Variants in HMGCLL1 observed in about 807,000 individuals in gnomAD.
HMGCLL1 encodes the protein 3-hydroxy-3-methylglutaryl-CoA lyase like 1.
HMGCLL1 carries 36 observed loss-of-function variants against 39.1 expected under a neutral mutation model. The observed-to-expected ratio is 0.92, with a 90% CI of 0.71 to 1.22. The LOEUF (loss-of-function observed/expected upper bound fraction) is 1.22. Ranked by LOEUF, HMGCLL1 falls within the 50% of genes most tolerant of loss-of-function variation. The probability of loss-of-function intolerance (pLI) is 0.00; values close to 1 mark genes in which losing one functional copy is unlikely to be tolerated. For synonymous variants in HMGCLL1, 149 were observed against 144.0 expected, an observed-to-expected ratio of 1.03 and a Z score of -0.25; for missense variants, 451 against 416.5, an observed-to-expected ratio of 1.08 and a Z score of -0.72.
chr6:55,662,162 C>A, the HMGCLL1 span, among the ~76,000 whole-genome samples: 2 of 151,482 alleles, frequency 1.3e-5, no homozygotes, highest in African/African-American at 4.8e-5. Flanking sequence ...CTTCCTTCCC[C>A]TTTGGATGCC....
At chr6:55,610,548 C>G in the HMGCLL1 span, among the ~76,000 whole-genome samples, 147 of 152,012 alleles carry the variant, frequency 9.7e-4, 1 homozygote, top group African/African-American at 2.8e-3. Flanking sequence ...AAAGACTGAA[C>G]CTATGACTGA....
At chr6:55,627,430 A>T in the HMGCLL1 span, among the ~76,000 whole-genome samples, 1 of 151,912 alleles carries the variant, frequency 6.6e-6, no homozygotes, top group South Asian at 2.1e-4. Context: ...TAACCTCATT[A>T]TTGTCTTCAT....
chr6:55,560,591 T>G (rs1770898525), intron 1 of HMGCLL1, among the ~76,000 whole-genome samples: 1 of 152,098 alleles, frequency 6.6e-6, no homozygotes, highest in Non-Finnish European at 1.5e-5. Flanking sequence ...CCTAACACCT[T>G]CATTTAATCG....
At chr6:55,676,375 C>T in the HMGCLL1 span, among the ~76,000 whole-genome samples, 7 of 152,250 alleles carry the variant, frequency 4.6e-5, no homozygotes, top group African/African-American at 1.4e-4. Flanking sequence ...AAATGGCATA[C>T]CAAAACAGGT....
At chr6:55,582,990 C>T (rs1409839833), upstream of HMGCLL1, among the ~76,000 whole-genome samples, 5 of 151,824 alleles carry the variant, frequency 3.3e-5, no homozygotes, top group African/African-American at 9.7e-5. Flanking sequence ...AATGATCATA[C>T]GAATCTTTGT....
chr6:55,624,827 A>G, the HMGCLL1 span, among the ~76,000 whole-genome samples: 1 of 152,130 alleles, frequency 6.6e-6, no homozygotes, highest in Non-Finnish European at 1.5e-5. Flanking sequence ...AAGAGACACA[A>G]TGCCTAGTGG....
Position 55,495,452 on chromosome 6 carries a change from T to A in HMGCLL1, c.762A>T (p.Gly254=), listed in dbSNP as rs772836157. 10 of 1,613,886 alleles carry A rather than the reference T, an allele frequency of 6.2e-6. No homozygotes were observed. The East Asian group carries it at 2.0e-4, about 32-fold the overall frequency. Residue 254 remains glycine (G), a synonymous_variant, in exon 7 of 9, where the codon GGA becomes GGT. Transcript: ENST00000274901. ...CCGTAAGGATATTTGCTAAGGCTTG[T>A]CCGTATGTGTCATGACAGTGAACAG... ...ALAVHCHDTY[G]QALANILTAL... is the part of the protein sequence containing the mutation.
intron 8 of HMGCLL1, among the ~76,000 whole-genome samples, chr6:55,437,477 C>A (rs78500955): frequency 3.9e-4 from 59 of 151,836 alleles, no homozygotes; most frequent in Non-Finnish European, 7.4e-4. Context: ...TAAAGCCTGA[C>A]CTGAGGTTTA....
the HMGCLL1 span, among the ~76,000 whole-genome samples, chr6:55,590,299 GA>G: frequency 6.6e-6 from 1 of 152,044 alleles, no homozygotes; most frequent in Non-Finnish European, 1.5e-5. Context: ...AAAAAATGGG[GA>G]AAGGATTCCC....
chr6:55,650,056 G>GTT, the HMGCLL1 span, among the ~76,000 whole-genome samples: 7 of 48,232 alleles, frequency 1.5e-4, 1 homozygote, highest in Admixed American at 2.9e-4. Context: ...TGTCTGAAAG[G>GTT]TTATATATAT....
At chr6:55,587,881 C>A in the HMGCLL1 span, among the ~76,000 whole-genome samples, 1 of 152,090 alleles carries the variant, frequency 6.6e-6, no homozygotes, top group South Asian at 2.1e-4. Context: ...GCACCCAATA[C>A]AGGAGCACCC....
chr6:55,461,163 A>T (rs1764545983), intron 7 of HMGCLL1, among the ~76,000 whole-genome samples: 2 of 151,986 alleles, frequency 1.3e-5, no homozygotes, highest in South Asian at 4.1e-4. Context: ...TCTAAAGAAT[A>T]ATGATCTACT....
At chr6:55,620,372 T>C in the HMGCLL1 span, among the ~76,000 whole-genome samples, 1 of 152,194 alleles carries the variant, frequency 6.6e-6, no homozygotes, top group African/African-American at 2.4e-5. Flanking sequence ...TCCTGTCTTT[T>C]GGATAGAAGC....
chr6:55,533,885 CAAAAAAAA>C (rs70986727), intron 3 of HMGCLL1, among the ~76,000 whole-genome samples: 1 of 71,724 alleles, frequency 1.4e-5, no homozygotes, highest in African/African-American at 4.9e-5. Context: ...GACTCCGTCT[CAAAAAAAA>C]AAAAAAAGAA....
intron 7 of HMGCLL1, among the ~76,000 whole-genome samples, chr6:55,455,516 G>A (rs78158005): frequency 0.082 from 12,419 of 152,186 alleles, 565 homozygotes; most frequent in African/African-American, 0.12. Flanking sequence ...AAACTCGCAT[G>A]TCTAGAAAAC....
rs1763340366 is a variant in HMGCLL1 at position 55,435,677 on chromosome 6, G to A, written c.1008C>T (p.Ala336=). 1.3e-6 allele frequency: 2 copies of A among 1,594,508 alleles called. No homozygotes were observed. Among genetic ancestry groups the A allele is most frequent in the Non-Finnish European group, 1.7e-6 (2 of 1,166,306 alleles). ...TCCATTCAAGTCAAGCATTGAAGGA[G>A]GCTTGTGCTACTTTAGAGTTTGTGG... ...NKTTNSKVAQ[A]SFNA Residue 336 remains alanine (A), a synonymous_variant, in exon 9 of 9, where the codon GCC becomes GCT. Coordinates refer to ENST00000274901, the MANE Select transcript of HMGCLL1 (RefSeq NM_001042406.2).
chr6:55,578,294 C>A (rs927737455), intron 1 of HMGCLL1, among the ~76,000 whole-genome samples: 6 of 152,038 alleles, frequency 3.9e-5, no homozygotes, highest in African/African-American at 1.2e-4. Context: ...TACACCTTTT[C>A]TTTATTTATC....
At chr6:55,541,999 C>A in intron 2 of HMGCLL1, 61 bp downstream of exon 2, 1 of 1,151,066 alleles carries the variant, frequency 8.7e-7, no homozygotes, top group African/African-American at 1.6e-5. Flanking sequence ...CCATGTAAAT[C>A]TTTACAATCT....
At chr6:55,499,730 G>A (rs143145401) in intron 5 of HMGCLL1, among the ~76,000 whole-genome samples, 1 of 151,966 alleles carries the variant, frequency 6.6e-6, no homozygotes, top group East Asian at 1.9e-4. Context: ...CTCCCATCTG[G>A]ATATTTTGGC....
Sources: allele counts gnomAD v4.1 joint callset (sites outside exome capture counted in the v4.1 genomes callset), GRCh38; gene constraint gnomAD v4.1.1; transcripts MANE v1.5; gene names NCBI Gene and HGNC (gene_info 2026-07-23, HGNC 2026-07-21).